Variants in PCDHA7 observed in about 807,000 individuals in gnomAD.
The protein encoded by PCDHA7 is protocadherin alpha-7.
In PCDHA7, 37 loss-of-function variants were observed where a neutral mutation model predicts 57.2. The ratio of observed to expected loss-of-function variants is 0.65; its 90% CI spans 0.50 to 0.85. The LOEUF (loss-of-function observed/expected upper bound fraction) is 0.85, where lower values mean the gene tolerates loss of function less well. Ranked by LOEUF, PCDHA7 falls within the 40% of genes least tolerant of loss-of-function variation. PCDHA7 has a pLI of 0.00. For missense variants in PCDHA7, 1,188 were observed against 1,241.8 expected (o/e 0.96, Z 0.65); for synonymous variants, 553 against 558.8 (o/e 0.99, Z 0.15).
intron 1 of PCDHA7, chr5:140,929,344 A>G: frequency 6.5e-7 from 1 of 1,531,050 alleles, no homozygotes; most frequent in South Asian, 1.3e-5. Flanking sequence ...ATTTTATGGA[A>G]TTTGATTCCT....
At chr5:140,947,996 T>C (rs185303145) in intron 1 of PCDHA7, among the ~76,000 whole-genome samples, 1 of 126,772 alleles carries the variant, frequency 7.9e-6, no homozygotes, top group Non-Finnish European at 1.7e-5. Context: ...CCAAATACTT[T>C]ATTAAATTTA....
Position 140,928,056 on chromosome 5 carries a change from G to A in PCDHA7, c.2356-50893G>A, listed in dbSNP as rs183490994. ...CTAGTGCAGGCCCTTTTCAGCTGAC[G>A]GCTTCCTTTGACAACTACTACAGCC... On this transcript the variant is annotated intron_variant, in intron 1 of 3. Coordinates refer to ENST00000525929, the MANE Select transcript of PCDHA7 (RefSeq NM_018910.3). The A allele has an allele frequency of 2.8e-5, 45 of 1,614,154 alleles. 1 individual carries two copies. The East Asian group carries it at 4.7e-4, about 17-fold the overall frequency.
At chr5:140,870,369 G>A (rs375892305) in intron 1 of PCDHA7, 117 of 1,614,088 alleles carry the variant, frequency 7.2e-5, no homozygotes, top group Admixed American at 2.3e-4. Context: ...CCTATGAACT[G>A]GTGGTGACTG....
chr5:141,004,888 G>A lies in PCDHA7; in HGVS notation c.2504-4739G>A, dbSNP rs555046086. ...TTTCTCATCCCTAAAGTGCTATTGT[G>A]TCAGCTCTGCCAGGGTGTAAGGAAA... On this transcript the variant is annotated intron_variant, in intron 3 of 3. Transcript: ENST00000525929. Among the ~76,000 whole-genome samples the A allele has an allele frequency of 2.0e-5, 3 of 152,250 alleles. No individual in the cohort carries two copies. The East Asian group carries it at 5.8e-4, about 29-fold the overall frequency.
Position 140,845,928 on chromosome 5 carries a change from A to G in PCDHA7, c.2355+9190A>G, listed in dbSNP as rs1394601950. On this transcript the variant is annotated intron_variant, in intron 1 of 3. Coordinates refer to ENST00000525929, the MANE Select transcript of PCDHA7 (RefSeq NM_018910.3). ...CATATTAATCTTATTTTTGTGTAAA[A>G]CTATCTTCTGTAAAGTCATTTTTTA... Among the ~76,000 whole-genome samples the G allele has an allele frequency of 1.3e-5, 2 of 149,652 alleles. 1 individual carries two copies. The highest frequency in any genetic ancestry group is 1.3e-4 in the Admixed American group (2 of 14,942).
rs202007975 is a variant in PCDHA7 at position 140,850,558 on chromosome 5, G to A, written c.2355+13820G>A. The A allele has an allele frequency of 5.2e-4, 834 of 1,598,326 alleles. 75 individuals carry two copies. The highest frequency in any genetic ancestry group is 6.1e-4 in the Non-Finnish European group (716 of 1,167,818). ...TCGCGGGCGTCAGTGGGTGCCACGGGCCCCGAGGTGACGCTGGTGGATGTC... is the reference window on the plus strand; with the variant it reads ...TCGCGGGCGTCAGTGGGTGCCACGGACCCCGAGGTGACGCTGGTGGATGTC... On this transcript the variant is annotated intron_variant, in intron 1 of 3. Transcript: ENST00000525929.
chr5:140,912,241 T>C (rs939016891), intron 1 of PCDHA7, among the ~76,000 whole-genome samples: 1 of 152,164 alleles, frequency 6.6e-6, no homozygotes, highest in African/African-American at 2.4e-5. Flanking sequence ...GACTCAAATG[T>C]TAATCTCCTT....
chr5:140,852,228 A>G, intron 1 of PCDHA7: 1 of 612,592 alleles, frequency 1.6e-6, no homozygotes, highest in Non-Finnish European at 2.1e-6. Context: ...TAATTTTTAA[A>G]TTTTCCCTTA....
chr5:140,871,171 G>GCTGC (rs782249857), intron 1 of PCDHA7: 2 of 1,613,534 alleles, frequency 1.2e-6, no homozygotes, highest in Non-Finnish European at 1.7e-6. Flanking sequence ...GAGCCCAGAG[G>GCTGC]CTGCGCTGGT....
chr5:140,914,187 A>G (rs2076635858), intron 1 of PCDHA7, among the ~76,000 whole-genome samples: 1 of 152,110 alleles, frequency 6.6e-6, no homozygotes, highest in African/African-American at 2.4e-5. Flanking sequence ...TTCTCCACCT[A>G]TTATTGTATT....
At chr5:140,874,212 T>C (rs1199574859) in intron 1 of PCDHA7, among the ~76,000 whole-genome samples, 1 of 152,252 alleles carries the variant, frequency 6.6e-6, no homozygotes, top group Non-Finnish European at 1.5e-5. Context: ...TTTATTATTA[T>C]ATGCAGTAGG....
intron 3 of PCDHA7, among the ~76,000 whole-genome samples, chr5:140,984,412 A>G (rs1189115390): frequency 5.9e-5 from 9 of 152,184 alleles, no homozygotes; most frequent in African/African-American, 2.2e-4. Flanking sequence ...TATCTTTTTT[A>G]CAGAGATAGA....
rs1433865569 is a variant in PCDHA7, at chr5:140,834,516, G to C, written c.133G>C (p.Val45Leu). ...VPEEAKHGNF[V>L]GRIAQDLGLE... ...CGAGGAGGCTAAACATGGCAACTTC[G>C]TGGGCCGCATCGCGCAGGACCTGGG... Residue 45 changes from valine to leucine, a missense_variant, in exon 1 of 4, where the codon GTG (valine) becomes CTG (leucine). Transcript: ENST00000525929. 2.5e-5 allele frequency: 40 copies of C among 1,613,992 alleles called. No homozygotes were observed. Among genetic ancestry groups the C allele is most frequent in the Non-Finnish European group, 3.4e-5 (40 of 1,180,056 alleles).
intron 1 of PCDHA7, chr5:140,865,929 A>G (rs2049057617): frequency 6.6e-6 from 1 of 152,198 alleles, no homozygotes; most frequent in South Asian, 2.1e-4. Flanking sequence ...TGCTTAGAAG[A>G]AACTTCATGA....
chr5:140,841,447 C>A, intron 1 of PCDHA7: 1 of 1,612,948 alleles, frequency 6.2e-7, no homozygotes, highest in Non-Finnish European at 8.5e-7. Context: ...CCAAACACGG[C>A]ACCTTCGTGG....
intron 1 of PCDHA7, chr5:140,852,198 T>G (rs2150513327): frequency 1.4e-6 from 1 of 691,814 alleles, no homozygotes; most frequent in Non-Finnish European, 1.8e-6. Context: ...CCAGTAACGT[T>G]TATTTAAAAC....
intron 1 of PCDHA7, chr5:140,875,267 C>A: frequency 1.7e-6 from 2 of 1,211,108 alleles, no homozygotes; most frequent in Non-Finnish European, 2.2e-6. Context: ...TGTCGCTCTA[C>A]ACTCAGAAGG....
chr5:140,850,295 C>T (rs2150478300), intron 1 of PCDHA7: 1 of 1,596,420 alleles, frequency 6.3e-7, no homozygotes, highest in South Asian at 1.1e-5. Flanking sequence ...TGGACGCCGA[C>T]TCGGGCTACA....
At chr5:140,963,615 T>A (rs2095780964) in intron 1 of PCDHA7, among the ~76,000 whole-genome samples, 1 of 152,248 alleles carries the variant, frequency 6.6e-6, no homozygotes, top group African/African-American at 2.4e-5. Context: ...TGGGAAAGCT[T>A]AACTTTGTTG....
Sources: allele counts gnomAD v4.1 joint callset (sites outside exome capture counted in the v4.1 genomes callset), GRCh38; gene constraint gnomAD v4.1.1; transcripts MANE v1.5; gene names NCBI Gene and HGNC (gene_info 2026-07-23, HGNC 2026-07-21).